Variants in RLN2 observed in about 807,000 individuals in gnomAD.
The protein encoded by RLN2 is prorelaxin H2.
RLN2 carries 10 observed loss-of-function variants against 7.3 expected under a neutral mutation model. The observed-to-expected ratio is 1.36, with a 90% CI of 0.84 to 2.31. RLN2 has a LOEUF of 2.31. Ranked by LOEUF, RLN2 falls within the 30% of genes most tolerant of loss-of-function variation. RLN2 has a pLI of 0.00. For missense variants in RLN2, 298 were observed against 217.6 expected (o/e 1.37, Z -2.32); for synonymous variants, 103 against 82.3 (o/e 1.25, Z -1.36).
At chr9:5,320,410 G>A in the RLN2 span, among the ~76,000 whole-genome samples, 2,140 of 151,600 alleles carry the variant, frequency 0.014, 80 homozygotes, top group African/African-American at 0.05. Context: ...CCACTCTGTC[G>A]CCTAGGCTGG....
chr9:5,333,175 A>T, the RLN2 span, among the ~76,000 whole-genome samples: 3 of 152,028 alleles, frequency 2.0e-5, no homozygotes, highest in Admixed American at 6.6e-5. Context: ...AGATAAATCA[A>T]CCCATGAGAA....
the RLN2 span, among the ~76,000 whole-genome samples, chr9:5,310,515 G>A: frequency 6.6e-6 from 1 of 151,964 alleles, no homozygotes; most frequent in Non-Finnish European, 1.5e-5. Context: ...TAGGGTGACA[G>A]ATCTTTCAGA....
chr9:5,313,985 G>T, the RLN2 span, among the ~76,000 whole-genome samples: 3 of 151,898 alleles, frequency 2.0e-5, no homozygotes, highest in Non-Finnish European at 4.4e-5. Flanking sequence ...CAGGGAAAAG[G>T]TAAGGAAGAG....
chr9:5,326,704 G>T, the RLN2 span, among the ~76,000 whole-genome samples: 1 of 152,010 alleles, frequency 6.6e-6, no homozygotes, highest in Non-Finnish European at 1.5e-5. Context: ...TAGCGTTCTT[G>T]TTTAAATCAG....
the RLN2 span, among the ~76,000 whole-genome samples, chr9:5,329,273 G>A: frequency 1.4e-3 from 178 of 130,390 alleles, no homozygotes; most frequent in Non-Finnish European, 2.3e-3. Context: ...ACTGCAGTCC[G>A]CAGTCCGGCC....
the RLN2 span, among the ~76,000 whole-genome samples, chr9:5,313,938 A>C: frequency 6.6e-6 from 1 of 151,994 alleles, no homozygotes; most frequent in Admixed American, 6.6e-5. Context: ...CTATCCCTAC[A>C]TCAGGATCAG....
the RLN2 span, among the ~76,000 whole-genome samples, chr9:5,331,374 CAT>C: frequency 3.3e-5 from 5 of 151,946 alleles, no homozygotes; most frequent in African/African-American, 1.2e-4. Flanking sequence ...CACATGCACA[CAT>C]ATGTTTATTG....
At chr9:5,310,532 A>T in the RLN2 span, among the ~76,000 whole-genome samples, 6 of 152,018 alleles carry the variant, frequency 3.9e-5, no homozygotes, top group Non-Finnish European at 8.8e-5. Context: ...CAGATCCCCC[A>T]ATCGTGCATG....
At chr9:5,301,358 C>T (rs1482109215) in intron 1 of RLN2, among the ~76,000 whole-genome samples, 2 of 152,172 alleles carry the variant, frequency 1.3e-5, no homozygotes, top group Admixed American at 6.5e-5. Context: ...CTCAGTTGAA[C>T]ATTCATTACC....
the RLN2 span, among the ~76,000 whole-genome samples, chr9:5,316,010 T>C: frequency 6.6e-6 from 1 of 152,056 alleles, no homozygotes; most frequent in South Asian, 2.1e-4. Flanking sequence ...TAAGAGAGTA[T>C]CAAATTCACT....
chr9:5,335,858 A>T, the RLN2 span, among the ~76,000 whole-genome samples: 2 of 151,898 alleles, frequency 1.3e-5, 1 homozygote, highest in Non-Finnish European at 2.9e-5. Flanking sequence ...CAGTGCTTTT[A>T]TCATAGTACT....
At chr9:5,326,588 G>C in the RLN2 span, among the ~76,000 whole-genome samples, 1 of 152,160 alleles carries the variant, frequency 6.6e-6, no homozygotes, top group South Asian at 2.1e-4. Flanking sequence ...GCAGGGTATG[G>C]AGGAGCCAGG....
chr9:5,303,004 C>T (rs1466968801), intron 1 of RLN2, among the ~76,000 whole-genome samples: 3 of 114,002 alleles, frequency 2.6e-5, no homozygotes, highest in African/African-American at 1.0e-4. Flanking sequence ...CATTAATGTA[C>T]ATTTGTCTTT....
the RLN2 span, chr9:5,311,725 C>T: frequency 5.0e-4 from 573 of 1,145,964 alleles, 4 homozygotes; most frequent in East Asian, 0.01. Flanking sequence ...GAAGTGTGTG[C>T]ATTTTTGATA....
the RLN2 span, among the ~76,000 whole-genome samples, chr9:5,322,898 G>A: frequency 0.023 from 3,494 of 151,944 alleles, 90 homozygotes; most frequent in Middle Eastern, 0.051. Context: ...CCACTTTGAT[G>A]TATTATTTTG....
At chr9:5,331,610 T>G in the RLN2 span, among the ~76,000 whole-genome samples, 122 of 131,638 alleles carry the variant, frequency 9.3e-4, no homozygotes, top group African/African-American at 3.4e-3. Context: ...AGGTGGGAAT[T>G]GAACAATGAG....
the RLN2 span, among the ~76,000 whole-genome samples, chr9:5,317,593 G>A: frequency 2.6e-5 from 4 of 151,252 alleles, no homozygotes; most frequent in Admixed American, 2.6e-4. Flanking sequence ...CACACACATT[G>A]TAATCAGTCA....
At chr9:5,307,644 G>A (rs1028638621), upstream of RLN2, among the ~76,000 whole-genome samples, 1 of 151,970 alleles carries the variant, frequency 6.6e-6, no homozygotes. Flanking sequence ...ATCTGGGGGT[G>A]CATCTTTGTC....
chr9:5,325,855 T>A, the RLN2 span, among the ~76,000 whole-genome samples: 18 of 152,096 alleles, frequency 1.2e-4, no homozygotes, highest in Admixed American at 6.6e-5. Flanking sequence ...AATTTTTTTT[T>A]AATTTTTCCT....
Sources: allele counts gnomAD v4.1 joint callset (sites outside exome capture counted in the v4.1 genomes callset), GRCh38; gene constraint gnomAD v4.1.1; transcripts MANE v1.5; gene names NCBI Gene and HGNC (gene_info 2026-07-23, HGNC 2026-07-21).